Variants in ERCC8 observed in about 807,000 individuals in gnomAD.
The protein encoded by ERCC8 is DNA excision repair protein ERCC-8.
Under a neutral mutation model 54.9 loss-of-function variants are expected in ERCC8, and 52 were observed. The ratio of observed to expected loss-of-function variants is 0.95; its 90% CI spans 0.76 to 1.19. The LOEUF is 1.19. Among genes scored for constraint, ERCC8 ranks in the 50% most tolerant of loss-of-function variants. The probability of loss-of-function intolerance (pLI) is 0.00; values close to 1 mark genes in which losing one functional copy is unlikely to be tolerated. For synonymous variants in ERCC8, 146 were observed against 157.2 expected (o/e 0.93, Z 0.53); for missense variants, 514 against 466.1 (o/e 1.10, Z -0.95).
chr5:60,876,999 T>C (rs1748031821), intron 11 of ERCC8, among the ~76,000 whole-genome samples: 2 of 152,160 alleles, frequency 1.3e-5, no homozygotes, highest in Admixed American at 1.3e-4. Flanking sequence ...TCTTCTGGGG[T>C]TTTTATGGTT....
At chr5:60,892,816 C>A (rs1748604423) in intron 9 of ERCC8, 1 of 681,448 alleles carries the variant, frequency 1.5e-6, no homozygotes, top group Non-Finnish European at 2.7e-6. Flanking sequence ...TTCGTGACCC[C>A]AGGAATGGCT....
At chr5:60,896,722 A>T (rs1748735403) in intron 9 of ERCC8, among the ~76,000 whole-genome samples, 1 of 152,196 alleles carries the variant, frequency 6.6e-6, no homozygotes, top group Non-Finnish European at 1.5e-5. Flanking sequence ...AAAATGTATT[A>T]TCCATTTTCA....
chr5:60,876,755 A>C (rs1379556641), intron 11 of ERCC8, among the ~76,000 whole-genome samples: 2 of 152,048 alleles, frequency 1.3e-5, no homozygotes, highest in Non-Finnish European at 2.9e-5. Context: ...AATTTGTTTG[A>C]GTCCATTGTA....
chr5:60,916,635 T>C (rs1286410031), intron 4 of ERCC8, among the ~76,000 whole-genome samples: 1 of 151,986 alleles, frequency 6.6e-6, no homozygotes, highest in Non-Finnish European at 1.5e-5. Context: ...TACTTTATTA[T>C]AAAAATAAAT....
chr5:60,904,617 ATATAGTGTGTGTGTGTG>A (rs2112494203), intron 5 of ERCC8, among the ~76,000 whole-genome samples, 158 bp downstream of exon 5: 1 of 119,636 alleles, frequency 8.4e-6, no homozygotes, highest in African/African-American at 3.2e-5. Flanking sequence ...TGTTGAATAT[ATATAGTGTGTGTGTGTG>A]TATATATATA....
chr5:60,880,430 AG>A (rs1748174680), intron 11 of ERCC8, among the ~76,000 whole-genome samples: 1 of 152,190 alleles, frequency 6.6e-6, no homozygotes, highest in African/African-American at 2.4e-5. Context: ...AGATTGGGGA[AG>A]TTCTCCTGGA....
chr5:60,919,673 G>T (rs1749546064), intron 3 of ERCC8: 1 of 151,566 alleles, frequency 6.6e-6, no homozygotes, highest in African/African-American at 2.4e-5. Context: ...CTATATCATT[G>T]AGTCCACAAA....
chr5:60,940,116 CT>C (rs1277938377), intron 1 of ERCC8, among the ~76,000 whole-genome samples: 2 of 152,120 alleles, frequency 1.3e-5, no homozygotes, highest in Non-Finnish European at 1.5e-5. Flanking sequence ...CATTACTGGT[CT>C]TTTAATTCTT....
Position 60,892,623 on chromosome 5 carries a change from T to C in ERCC8, c.844-1537A>G, listed in dbSNP as rs1053023872. 3 of 664,610 alleles carry C rather than the reference T, an allele frequency of 4.5e-6. No individual in the cohort carries two copies. The South Asian group carries it at 4.6e-5, about 10-fold the overall frequency. The allele number at this position is 664,610 out of a possible 1,614,324, so 41.2% of individuals were successfully genotyped here. ...CTGGTACCCAGAGAGAAGGTAATAG[T>C]TGGAAATCTCCTCCAGGTTGCAGCA... On this transcript the variant is annotated intron_variant, in intron 9 of 11. Transcript: ENST00000676185.
chr5:60,941,483 G>C (rs940359736), intron 1 of ERCC8, among the ~76,000 whole-genome samples: 1 of 152,172 alleles, frequency 6.6e-6, no homozygotes, highest in African/African-American at 2.4e-5. Flanking sequence ...AGAAGGAGAA[G>C]AGAAAGAGTG....
chr5:60,942,078 G>C (rs538357218), intron 1 of ERCC8, among the ~76,000 whole-genome samples: 2 of 152,064 alleles, frequency 1.3e-5, no homozygotes, highest in Admixed American at 1.3e-4. Flanking sequence ...ATAATTCCTA[G>C]AGCAGCCACT....
chr5:60,912,072 C>A (rs572179339), intron 4 of ERCC8, among the ~76,000 whole-genome samples: 4 of 151,854 alleles, frequency 2.6e-5, no homozygotes. Context: ...CTTGGTAATG[C>A]GGGCTCTTTT....
At chr5:60,880,233 C>T (rs1243512669) in intron 11 of ERCC8, among the ~76,000 whole-genome samples, 1 of 152,220 alleles carries the variant, frequency 6.6e-6, no homozygotes, top group East Asian at 1.9e-4. Context: ...GCCAAGAGAT[C>T]TGCTGTTAGT....
chr5:60,905,936 G>T (rs1272219241), intron 4 of ERCC8, among the ~76,000 whole-genome samples: 1 of 152,102 alleles, frequency 6.6e-6, no homozygotes, highest in Non-Finnish European at 1.5e-5. Flanking sequence ...AATCATAAGG[G>T]TGTGGGGAAT....
At chr5:60,890,851 A>C in intron 10 of ERCC8, 38 bp downstream of exon 10, 4 of 1,450,190 alleles carry the variant, frequency 2.8e-6, no homozygotes, top group African/African-American at 1.4e-5. Context: ...CTGGCAAGCT[A>C]GCTAGCTGAA....
intron 1 of ERCC8, among the ~76,000 whole-genome samples, chr5:60,942,277 T>G (rs946685762): frequency 6.6e-6 from 1 of 152,130 alleles, no homozygotes; most frequent in Non-Finnish European, 1.5e-5. Flanking sequence ...AGTAAAGGAT[T>G]TATCTAGTAG....
chr5:60,876,035 C>T (rs1003405499), intron 11 of ERCC8, among the ~76,000 whole-genome samples: 2 of 152,072 alleles, frequency 1.3e-5, no homozygotes, highest in East Asian at 3.9e-4. Context: ...CCCCTACCCC[C>T]ACCCCACAAC....
intron 1 of ERCC8, among the ~76,000 whole-genome samples, chr5:60,942,158 A>C (rs1750278105): frequency 6.6e-6 from 1 of 152,184 alleles, no homozygotes; most frequent in African/African-American, 2.4e-5. Flanking sequence ...ATGTTCAAAC[A>C]GTCAAATGAA....
chr5:60,938,528 AT>A (rs1339497292), intron 1 of ERCC8, among the ~76,000 whole-genome samples: 1 of 151,696 alleles, frequency 6.6e-6, no homozygotes, highest in African/African-American at 2.4e-5. Flanking sequence ...TAATTTTTGT[AT>A]TTTTAGTAGA....
Sources: gnomAD v4.1 joint callset for allele counts (sites outside exome capture counted in the v4.1 genomes callset) on GRCh38, gnomAD v4.1.1 for gene constraint, MANE v1.5 for transcripts, NCBI Gene and HGNC (gene_info 2026-07-23, HGNC 2026-07-21) for gene names.